The following TEKT5 variants were observed in gnomAD, a reference collection of about 807,000 sequenced individuals.
The protein encoded by TEKT5 is tektin-5.
TEKT5 carries 52 observed loss-of-function variants against 48.7 expected under a neutral mutation model. That is an observed-to-expected ratio of 1.07 (90% CI 0.86 to 1.35). The LOEUF (loss-of-function observed/expected upper bound fraction) is 1.35. Among genes scored for constraint, TEKT5 ranks in the 40% most tolerant of loss-of-function variants. TEKT5 has a pLI of 0.00. For synonymous variants in TEKT5, 318 were observed against 267.6 expected (o/e 1.19, Z -1.84); for missense variants, 831 against 641.6 (o/e 1.30, Z -3.19).
At chr16:10,685,716 C>T (rs370229567) in intron 3 of TEKT5, among the ~76,000 whole-genome samples, 1 of 152,288 alleles carries the variant, frequency 6.6e-6, no homozygotes, top group African/African-American at 2.4e-5. Flanking sequence ...CCGTCTGTCT[C>T]CCTACTCCCC....
intron 5 of TEKT5, among the ~76,000 whole-genome samples, chr16:10,641,163 T>C (rs1897989121): frequency 6.6e-6 from 1 of 152,202 alleles, no homozygotes; most frequent in Non-Finnish European, 1.5e-5. Context: ...ATTTCAGCCA[T>C]TCTCATGAAC....
At chr16:10,634,615 A>G (rs1202938325) in intron 6 of TEKT5, among the ~76,000 whole-genome samples, 1 of 152,168 alleles carries the variant, frequency 6.6e-6, no homozygotes, top group African/African-American at 2.4e-5. Flanking sequence ...AGATGCTTCT[A>G]AAGAAGAGCA....
intron 5 of TEKT5, among the ~76,000 whole-genome samples, chr16:10,664,275 G>T (rs989204381): frequency 1.2e-4 from 19 of 152,124 alleles, no homozygotes; most frequent in African/African-American, 4.1e-4. Context: ...TGCAGGGAGG[G>T]AAGGAAGAGG....
chr16:10,683,188 G>C (rs780870626), intron 3 of TEKT5, among the ~76,000 whole-genome samples: 9 of 152,030 alleles, frequency 5.9e-5, no homozygotes, highest in Admixed American at 3.9e-4. Flanking sequence ...GACCTTATGG[G>C]GGAATGAGAA....
chr16:10,664,449 C>G (rs543429088), intron 5 of TEKT5, among the ~76,000 whole-genome samples: 3 of 152,356 alleles, frequency 2.0e-5, no homozygotes, highest in South Asian at 4.1e-4. Flanking sequence ...CCAGGTAATG[C>G]TGATGCTGAT....
chr16:10,685,976 C>T (rs1433338981), intron 3 of TEKT5, among the ~76,000 whole-genome samples: 1 of 152,218 alleles, frequency 6.6e-6, no homozygotes, highest in Non-Finnish European at 1.5e-5. Context: ...CCGGCTCAAA[C>T]TATCCCACTT....
intron 5 of TEKT5, among the ~76,000 whole-genome samples, chr16:10,636,811 C>CATTATTTATTATTATTATT (rs1897920185): frequency 6.8e-6 from 1 of 147,080 alleles, no homozygotes; most frequent in African/African-American, 2.5e-5. Flanking sequence ...ATGTATTTTC[C>CATTATTTATTATTATTATT]ATTATTATTA....
intron 3 of TEKT5, among the ~76,000 whole-genome samples, chr16:10,683,812 T>A (rs576215810): frequency 5.1e-4 from 78 of 152,196 alleles, no homozygotes; most frequent in Non-Finnish European, 9.8e-4. Context: ...AGGCTGGTCT[T>A]GAACTCCTGA....
At chr16:10,690,537 G>T in intron 1 of TEKT5, 1 of 978,412 alleles carries the variant, frequency 1.0e-6, no homozygotes, top group Non-Finnish European at 1.2e-6. Context: ...CAGGTTCATT[G>T]TGCAGGTGAA....
At position 10,627,661 on chromosome 16, in the gene TEKT5, G is replaced by T. The variant is rs761147869; in HGVS notation, c.1380C>A (p.Thr460=). 1.2e-5 allele frequency: 19 copies of T among 1,614,092 alleles called. No individual in the cohort carries two copies. The highest frequency in any genetic ancestry group is 4.0e-5 in the African/African-American group (3 of 74,940). ...LEHELAIKAN[T]LCIDKEKCMG... Reference sequence around the variant, plus strand: ...TGCACTTCTCCTTGTCGATGCAGAGGGTGTTGGCCTTGATGGCGAGCTCGT... The same window carrying T: ...TGCACTTCTCCTTGTCGATGCAGAGTGTGTTGGCCTTGATGGCGAGCTCGT... The change falls in exon 7 of 7, where the codon ACC becomes ACA. Residue 460 remains threonine, a synonymous_variant. Coordinates refer to ENST00000283025, the MANE Select transcript of TEKT5 (RefSeq NM_144674.2).
intron 6 of TEKT5, among the ~76,000 whole-genome samples, chr16:10,629,651 C>T (rs986686168): frequency 2.6e-5 from 4 of 152,346 alleles, no homozygotes; most frequent in Middle Eastern, 3.4e-3. Flanking sequence ...CCAGCTGCTA[C>T]GAGTGAGTGT....
At chr16:10,654,576 A>G (rs1407164559) in intron 5 of TEKT5, among the ~76,000 whole-genome samples, 1 of 152,182 alleles carries the variant, frequency 6.6e-6, no homozygotes, top group African/African-American at 2.4e-5. Context: ...AGGCAGAGGA[A>G]GGGTGAATTC....
At chr16:10,657,756 A>ATT (rs59166602) in intron 5 of TEKT5, among the ~76,000 whole-genome samples, 2,196 of 134,924 alleles carry the variant, frequency 0.016, 67 homozygotes, top group African/African-American at 0.058. Context: ...CGCCAAGCTA[A>ATT]TTTTTTTTTT....
At chr16:10,684,514 G>A (rs767421662) in intron 3 of TEKT5, among the ~76,000 whole-genome samples, 1 of 151,968 alleles carries the variant, frequency 6.6e-6, no homozygotes, top group African/African-American at 2.4e-5. Context: ...GGAAGCTCGG[G>A]TCATGTCGGA....
rs150053960 is a variant in TEKT5, at chr16:10,676,117, G to T, written c.928C>A (p.Arg310=). 6.2e-7 allele frequency: 1 copy of T among 1,614,202 alleles called. No individual in the cohort carries two copies. Among genetic ancestry groups the T allele is most frequent in the South Asian group, 1.1e-5 (1 of 91,082 alleles). ...NDNIKHSQNM[R]ANSIQLREEA... ...TCCCGCAGCTGGATGGAGTTGGCCC[G>T]CATGTTCTGAGAGTGTTTGATGTTG... The change falls in exon 5 of 7, where the codon CGG becomes AGG. Residue 310 remains arginine (R), a synonymous_variant. Coordinates refer to ENST00000283025, the MANE Select transcript of TEKT5 (RefSeq NM_144674.2).
chr16:10,654,956 C>T (rs1177765098), intron 5 of TEKT5, among the ~76,000 whole-genome samples: 5 of 122,958 alleles, frequency 4.1e-5, no homozygotes, highest in Non-Finnish European at 7.0e-5. Flanking sequence ...CCCCCCCCCC[C>T]AGTCTGTGAC....
At chr16:10,637,249 T>G (rs1486875075) in intron 5 of TEKT5, among the ~76,000 whole-genome samples, 1 of 151,710 alleles carries the variant, frequency 6.6e-6, no homozygotes, top group Non-Finnish European at 1.5e-5. Context: ...TTGGCCAGGC[T>G]TGTCTCAAAC....
chr16:10,643,673 G>GA (rs1898027804), intron 5 of TEKT5, among the ~76,000 whole-genome samples: 1 of 152,148 alleles, frequency 6.6e-6, no homozygotes, highest in South Asian at 2.1e-4. Flanking sequence ...TTTTTATATT[G>GA]ACAACATGTA....
At chr16:10,664,064 C>T (rs138149766) in intron 5 of TEKT5, among the ~76,000 whole-genome samples, 1 of 152,320 alleles carries the variant, frequency 6.6e-6, no homozygotes, top group Non-Finnish European at 1.5e-5. Context: ...CATGATAATT[C>T]ATCATCTCAG....
Sources: gnomAD v4.1 joint callset for allele counts (sites outside exome capture counted in the v4.1 genomes callset) on GRCh38, gnomAD v4.1.1 for gene constraint, MANE v1.5 for transcripts, NCBI Gene and HGNC (gene_info 2026-07-23, HGNC 2026-07-21) for gene names.